The following KLHL7 variants were observed in gnomAD, a reference collection of about 807,000 sequenced individuals.
KLHL7 encodes the protein kelch-like protein 7.
Under a neutral mutation model 67.4 loss-of-function variants are expected in KLHL7, and 44 were observed. The observed-to-expected ratio is 0.65, with a 90% CI of 0.51 to 0.84. The LOEUF is 0.84. Among genes scored for constraint, KLHL7 ranks in the 40% least tolerant of loss-of-function variants. The pLI is 0.00. For synonymous variants in KLHL7, 252 were observed against 243.3 expected, an observed-to-expected ratio of 1.04 and a Z score of -0.33; for missense variants, 362 against 718.1, an observed-to-expected ratio of 0.50 and a Z score of 5.67.
At position 23,173,869 on chromosome 7, in the gene KLHL7, A is replaced by G. The variant is rs149947673; in HGVS notation, c.1478-146A>G. ...GAATTTAGGTGGTGGCTATGTGGAC[A>G]TTCACTGTAAAATTATTACAGTTTT... On this transcript the variant is annotated intron_variant, in intron 10 of 10. Coordinates refer to ENST00000339077, the MANE Select transcript of KLHL7 (RefSeq NM_001031710.3). The G allele has an allele frequency of 1.4e-4, 105 of 755,358 alleles. No individual in the cohort carries two copies. In the African/African-American group the frequency reaches 1.7e-3, roughly 12 times the overall value. 46.8% of individuals were successfully genotyped at this position (755,358 alleles called of 1,614,324 possible). A position where few individuals can be genotyped will look rare whatever the true frequency, so the allele number is the denominator to read the frequency against.
At chr7:23,157,245 T>A (rs1784734382) in intron 7 of KLHL7, among the ~76,000 whole-genome samples, 2 of 152,092 alleles carry the variant, frequency 1.3e-5, no homozygotes, top group African/African-American at 4.8e-5. Flanking sequence ...TACACAGAAG[T>A]AAAAATGTGA....
Position 23,174,769 on chromosome 7 carries a change from T to C in KLHL7, c.*471T>C, listed in dbSNP as rs768616761. 1.3e-4 allele frequency: 60 copies of C among 454,630 alleles called. No homozygotes were observed. Among genetic ancestry groups the C allele is most frequent in the Admixed American group, 1.9e-4 (8 of 42,562 alleles). The allele number at this position is 454,630 out of a possible 1,614,324, so 28.2% of individuals were successfully genotyped here. On this transcript the variant is annotated 3_prime_UTR_variant, in exon 11 of 11. Transcript: ENST00000339077. The stretch of plus-strand genomic sequence containing the variant: ...GATGGAGCAGCTTAGTCTCACAGTT[T>C]GCTTGTCTATTTATTTTATTTAGTG...
rs980712928 is a variant in KLHL7 at position 23,143,761 on chromosome 7, G to A, written c.619-90G>A. 3 of 1,304,840 alleles carry A rather than the reference G, an allele frequency of 2.3e-6. No homozygotes were observed. In the African/African-American group the frequency reaches 4.4e-5, roughly 19 times the overall value. 80.8% of individuals were successfully genotyped at this position (1,304,840 alleles called of 1,614,324 possible). On this transcript the variant is annotated intron_variant, in intron 5 of 10. Coordinates refer to ENST00000339077, the MANE Select transcript of KLHL7 (RefSeq NM_001031710.3). ...GAAATAAGTGGTTATCTCCTTATGA[G>A]GTTCTCTCCCTTCAATATGAGAGTA...
intron 7 of KLHL7, among the ~76,000 whole-genome samples, chr7:23,156,879 A>G (rs893939325): frequency 6.6e-6 from 1 of 151,858 alleles, no homozygotes; most frequent in African/African-American, 2.4e-5. Flanking sequence ...TAATTTTCTC[A>G]GTTGGTTTTA....
At chr7:23,157,092 A>G (rs1439380470) in intron 7 of KLHL7, among the ~76,000 whole-genome samples, 3 of 152,210 alleles carry the variant, frequency 2.0e-5, no homozygotes. Context: ...ATCAGCAGTT[A>G]TAAATTGTGT....
Position 23,174,487 on chromosome 7 carries a change from C to A in KLHL7, c.*189C>A. ...AATTCAAAGATCATATTTTAGCTGG[C>A]CACAAAACCAAGAACATATCTAGCA... On this transcript the variant is annotated 3_prime_UTR_variant, in exon 11 of 11. Transcript: ENST00000339077. 1 of 709,442 alleles carries A rather than the reference C, an allele frequency of 1.4e-6. No individual in the cohort carries two copies. The highest frequency in any genetic ancestry group is 2.7e-5 in the East Asian group (1 of 36,628). The allele number at this position is 709,442 out of a possible 1,614,324, so 43.9% of individuals were successfully genotyped here. A position where few individuals can be genotyped will look rare whatever the true frequency, so the allele number is the denominator to read the frequency against.
At chr7:23,147,804 AC>A (rs1784406368) in intron 6 of KLHL7, among the ~76,000 whole-genome samples, 1 of 152,194 alleles carries the variant, frequency 6.6e-6, no homozygotes, top group Non-Finnish European at 1.5e-5. Flanking sequence ...CAAACCTCGA[AC>A]CTGCATGAGG....
intron 4 of KLHL7, among the ~76,000 whole-genome samples, chr7:23,130,582 C>T (rs1583667948): frequency 6.6e-6 from 1 of 151,884 alleles, no homozygotes; most frequent in Non-Finnish European, 1.5e-5. Flanking sequence ...GATTTATATC[C>T]CTCAGAAATT....
Position 23,172,968 on chromosome 7 carries a change from TGA to T in KLHL7, c.1401_1402del (p.Met467IlefsTer2). 1 of 1,613,718 alleles carries T rather than the reference TGA, an allele frequency of 6.2e-7. No individual in the cohort carries two copies. The highest frequency in any genetic ancestry group is 8.5e-7 in the Non-Finnish European group (1 of 1,179,722). On this transcript the variant is annotated frameshift_variant, in exon 10 of 11. Transcript: ENST00000339077. LOFTEE classifies it high-confidence loss of function. ...TTCAGATGGACTGAGCTGTGTCCAA[TGA>T]TTGAAGCCAGGAAGAATCATGGGCT... is the stretch of plus-strand genomic sequence containing the variant.
At chr7:23,117,778 C>G in intron 1 of KLHL7, 1 of 1,480,448 alleles carries the variant, frequency 6.8e-7, no homozygotes, top group South Asian at 1.3e-5. Context: ...AGTAACTAAT[C>G]CAAGAAAATT....
chr7:23,152,265 A>T, intron 7 of KLHL7, 56 bp downstream of exon 7: 1 of 1,518,880 alleles, frequency 6.6e-7, no homozygotes, highest in South Asian at 1.1e-5. Context: ...CTGAACACAT[A>T]AGACACTCAC....
chr7:23,117,940 C>T (rs747425940), intron 1 of KLHL7: 2 of 1,614,074 alleles, frequency 1.2e-6, no homozygotes, highest in Non-Finnish European at 1.7e-6. Flanking sequence ...GCAGAACCTT[C>T]TTGACAAGCC....
At chr7:23,160,984 A>C (rs1583722339) in intron 7 of KLHL7, among the ~76,000 whole-genome samples, 1 of 152,216 alleles carries the variant, frequency 6.6e-6, no homozygotes, top group African/African-American at 2.4e-5. Flanking sequence ...CTCAATTCTT[A>C]GAGCCTTTAA....
intron 1 of KLHL7, chr7:23,106,730 G>A: frequency 1.0e-6 from 1 of 992,550 alleles, no homozygotes; most frequent in Non-Finnish European, 1.2e-6. Context: ...GTTATTAAGA[G>A]GAGCTCTTTG....
chr7:23,118,353 C>G (rs1783185348), intron 1 of KLHL7, among the ~76,000 whole-genome samples: 1 of 152,192 alleles, frequency 6.6e-6, no homozygotes, highest in Admixed American at 6.5e-5. Flanking sequence ...GGACATTGAC[C>G]TGAGCATTAA....
At chr7:23,130,913 A>C (rs1215484009) in intron 4 of KLHL7, among the ~76,000 whole-genome samples, 1 of 152,244 alleles carries the variant, frequency 6.6e-6, no homozygotes, top group Non-Finnish European at 1.5e-5. Context: ...CATAACAAAC[A>C]CAATTAGTAA....
chr7:23,173,192 C>T, intron 10 of KLHL7, 147 bp downstream of exon 10: 1 of 635,000 alleles, frequency 1.6e-6, no homozygotes. Context: ...AATTAACATA[C>T]TTGATAAAAT....
chr7:23,140,998 C>T, intron 5 of KLHL7, 54 bp downstream of exon 5: 1 of 1,435,728 alleles, frequency 7.0e-7, no homozygotes, highest in Non-Finnish European at 9.8e-7. Flanking sequence ...TTATTGGTTT[C>T]TTAAAACTCA....
intron 1 of KLHL7, among the ~76,000 whole-genome samples, chr7:23,120,756 G>A (rs1783301050): frequency 6.6e-6 from 1 of 152,024 alleles, no homozygotes; most frequent in Non-Finnish European, 1.5e-5. Context: ...AGTAGAGTCA[G>A]GGTCTCACTA....
Sources: gnomAD v4.1 joint callset for allele counts (sites outside exome capture counted in the v4.1 genomes callset) on GRCh38, gnomAD v4.1.1 for gene constraint, MANE v1.5 for transcripts, NCBI Gene and HGNC (gene_info 2026-07-23, HGNC 2026-07-21) for gene names.